Variants in CACNA1C observed in about 807,000 individuals in gnomAD.
The protein encoded by CACNA1C is calcium voltage-gated channel subunit alpha1 C.
In CACNA1C, 30 loss-of-function variants were observed where a neutral mutation model predicts 229.0. The observed-to-expected ratio is 0.13, with a 90% CI of 0.10 to 0.18. The LOEUF is 0.18. Among genes scored for constraint, CACNA1C ranks in the 10% least tolerant of loss-of-function variants. CACNA1C has a pLI of 1.00. For synonymous variants in CACNA1C, 1,114 were observed against 1,132.5 expected (o/e 0.98, Z 0.33); for missense variants, 1,658 against 2,845.0 (o/e 0.58, Z 9.49).
chr12:2,592,125 T>G (rs796751486), intron 18 of CACNA1C, among the ~76,000 whole-genome samples: 1 of 152,218 alleles, frequency 6.6e-6, no homozygotes, highest in Non-Finnish European at 1.5e-5. Context: ...CCCACTGTAG[T>G]GAAGTGCTCA....
chr12:2,592,747 T>G (rs926307248), intron 18 of CACNA1C, among the ~76,000 whole-genome samples: 3 of 151,076 alleles, frequency 2.0e-5, no homozygotes, highest in African/African-American at 7.3e-5. Flanking sequence ...TGGGAAAGTG[T>G]TGGTTTCTAA....
chr12:2,338,549 C>A (rs1007441418), intron 3 of CACNA1C, among the ~76,000 whole-genome samples: 1 of 150,756 alleles, frequency 6.6e-6, no homozygotes, highest in African/African-American at 2.4e-5. Context: ...GTCAGTGACA[C>A]TGACCACCGG....
chr12:2,075,576 C>T (rs758192446), intron 1 of CACNA1C, among the ~76,000 whole-genome samples: 2 of 152,154 alleles, frequency 1.3e-5, no homozygotes, highest in African/African-American at 2.4e-5. Flanking sequence ...TATGTTATTT[C>T]CTGTCTAATT....
rs754884602 is a variant in CACNA1C at position 2,665,629 on chromosome 12, A to T, written c.4447A>T (p.Thr1483Ser). The T allele has an allele frequency of 6.2e-7, 1 of 1,613,814 alleles. No individual in the cohort carries two copies. Among genetic ancestry groups the T allele is most frequent in the Non-Finnish European group, 8.5e-7 (1 of 1,179,762 alleles). Reference sequence around the variant, plus strand: ...CATCATGGACAACTTTGACTACCTGACAAGGGACTGGTCCATCCTTGGTCC... The same window carrying T: ...CATCATGGACAACTTTGACTACCTGTCAAGGGACTGGTCCATCCTTGGTCC... ...AVIMDNFDYL[T>S]RDWSILGPHH... Residue 1483 changes from threonine (T) to serine (S), a missense_variant, in exon 36 of 47, where the codon ACA becomes TCA. Transcript: ENST00000399655. This position sits in a 1 kb window ranked among gnomAD's most constrained non-coding sequence, Gnocchi z 5.9.
intron 3 of CACNA1C, among the ~76,000 whole-genome samples, chr12:2,411,326 G>A (rs998366748): frequency 7.9e-5 from 12 of 152,170 alleles, no homozygotes; most frequent in East Asian, 1.9e-4. Flanking sequence ...CAGAGTCAGA[G>A]CCCTAGGACC....
chr12:2,290,193 C>T (rs1440695621), intron 3 of CACNA1C, among the ~76,000 whole-genome samples: 1 of 152,162 alleles, frequency 6.6e-6, no homozygotes, highest in Non-Finnish European at 1.5e-5. Flanking sequence ...TAAGCATGGA[C>T]AGGTGGAGAG....
intron 5 of CACNA1C, among the ~76,000 whole-genome samples, chr12:2,473,514 T>C (rs1378279148): frequency 1.3e-5 from 2 of 152,252 alleles, no homozygotes; most frequent in Non-Finnish European, 2.9e-5. Flanking sequence ...ACTGAGGACT[T>C]ATTGTGTATA....
intron 3 of CACNA1C, among the ~76,000 whole-genome samples, chr12:2,248,472 A>T (rs767826404): frequency 3.9e-5 from 6 of 152,214 alleles, no homozygotes; most frequent in Non-Finnish European, 8.8e-5. Flanking sequence ...GCAGCCTGCA[A>T]GTGAGTGTTC....
At chr12:2,303,590 C>A (rs767164690) in intron 3 of CACNA1C, among the ~76,000 whole-genome samples, 1 of 152,122 alleles carries the variant, frequency 6.6e-6, no homozygotes, top group Non-Finnish European at 1.5e-5. Flanking sequence ...CACAGGGAGA[C>A]CCTGTCTGTA....
chr12:2,208,491 G>T (rs960469970), intron 3 of CACNA1C, among the ~76,000 whole-genome samples: 7 of 152,176 alleles, frequency 4.6e-5, no homozygotes, highest in Non-Finnish European at 1.0e-4. Flanking sequence ...AGTGGATGCC[G>T]CCGGCTGAGG....
At position 2,493,500 on chromosome 12, in the gene CACNA1C, T is replaced by A; in HGVS notation, c.1113+114T>A. 1 of 765,882 alleles carries A rather than the reference T, an allele frequency of 1.3e-6. No homozygotes were observed. The highest frequency in any genetic ancestry group is 1.7e-5 in the African/African-American group (1 of 57,858). The allele number at this position is 765,882 out of a possible 1,614,324, so 47.4% of individuals were successfully genotyped here. A position where few individuals can be genotyped will look rare whatever the true frequency, so the allele number is the denominator to read the frequency against. On this transcript the variant is annotated intron_variant, in intron 7 of 46. Transcript: ENST00000399655. This position sits in a 1 kb window ranked among gnomAD's most constrained non-coding sequence, Gnocchi z 4.6. ...TCTTGGGGTCACATACGCATCTTGA[T>A]GGAATGGTTGATGAAGAGCGTCTTT...
At chr12:2,662,357 G>A (rs1189221141) in intron 34 of CACNA1C, among the ~76,000 whole-genome samples, 1 of 152,038 alleles carries the variant, frequency 6.6e-6, no homozygotes, top group African/African-American at 2.4e-5. Context: ...AAAAATTACA[G>A]AAAATTGCTA....
At chr12:2,264,025 TC>T (rs1350449908) in intron 3 of CACNA1C, among the ~76,000 whole-genome samples, 9 of 152,164 alleles carry the variant, frequency 5.9e-5, no homozygotes, top group Non-Finnish European at 1.5e-5. Context: ...CTGAGCTTAA[TC>T]CCAAAGAGCA....
At chr12:2,286,909 G>A (rs1464268225) in intron 3 of CACNA1C, among the ~76,000 whole-genome samples, 1 of 152,248 alleles carries the variant, frequency 6.6e-6, no homozygotes, top group Non-Finnish European at 1.5e-5. Context: ...TTACTCATGT[G>A]CCCCAAGCAC....
Position 2,585,509 on chromosome 12 carries a change from C to A in CACNA1C, c.2460+13C>A. ...ACCCGCCACCAAGGTGAGGAGCTGT[C>A]TCCTTCCTGGAGCTGTGAGGCCGGT... On this transcript the variant is annotated intron_variant, in intron 17 of 46. Coordinates refer to ENST00000399655, the MANE Select transcript of CACNA1C (RefSeq NM_000719.7). The surrounding 1 kb of genome is among the most constrained non-coding windows in gnomAD (Gnocchi z 4.1). 1 of 1,547,486 alleles carries A rather than the reference C, an allele frequency of 6.5e-7. No homozygotes were observed. Among genetic ancestry groups the A allele is most frequent in the East Asian group, 2.4e-5 (1 of 41,766 alleles).
At chr12:2,407,646 C>T (rs1351850835) in intron 3 of CACNA1C, among the ~76,000 whole-genome samples, 1 of 68,184 alleles carries the variant, frequency 1.5e-5, no homozygotes, top group East Asian at 3.7e-4. Context: ...TGATAATAGC[C>T]GTCCTGATAA....
chr12:2,444,546 G>C (rs919729846), intron 3 of CACNA1C, among the ~76,000 whole-genome samples: 1 of 151,978 alleles, frequency 6.6e-6, no homozygotes, highest in Non-Finnish European at 1.5e-5. Context: ...GCCGTCTCCT[G>C]CAAGATGAAC....
At chr12:2,052,135 T>C (rs549362456), upstream of CACNA1C, among the ~76,000 whole-genome samples, 77 of 152,094 alleles carry the variant, frequency 5.1e-4, no homozygotes, top group Admixed American at 3.5e-3. Flanking sequence ...GAAGGAGAGG[T>C]GCTGGATAGA....
intron 1 of CACNA1C, among the ~76,000 whole-genome samples, chr12:2,109,210 T>A (rs1032690779): frequency 1.3e-5 from 2 of 152,188 alleles, no homozygotes; most frequent in Non-Finnish European, 2.9e-5. Flanking sequence ...GACCTTTTCC[T>A]ACTCACGGCT....
Sources: allele counts gnomAD v4.1 joint callset (sites outside exome capture counted in the v4.1 genomes callset), GRCh38; gene constraint gnomAD v4.1.1; non-coding constraint Gnocchi (gnomAD v3.1); transcripts MANE v1.5; gene names NCBI Gene and HGNC (gene_info 2026-07-23, HGNC 2026-07-21).